The following TAFA4 variants were observed in gnomAD, a reference collection of about 807,000 sequenced individuals.
The protein encoded by TAFA4 is TAFA chemokine like family member 4.
TAFA4 carries 20 observed loss-of-function variants against 21.1 expected under a neutral mutation model. That is an observed-to-expected ratio of 0.95 (90% CI 0.67 to 1.38). The LOEUF (loss-of-function observed/expected upper bound fraction) is 1.38, where lower values mean the gene tolerates loss of function less well. Among genes scored for constraint, TAFA4 ranks in the 40% most tolerant of loss-of-function variants. TAFA4 has a pLI of 0.00. For synonymous variants in TAFA4, 71 were observed against 67.4 expected (o/e 1.05, Z -0.26); for missense variants, 211 against 180.9 (o/e 1.17, Z -0.95).
chr3:68,834,036 T>TCA (rs1205772024), intron 3 of TAFA4, among the ~76,000 whole-genome samples: 1 of 152,188 alleles, frequency 6.6e-6, no homozygotes, highest in African/African-American at 2.4e-5. Context: ...GAGTTGATGC[T>TCA]CACCCTGACT....
intron 1 of TAFA4, among the ~76,000 whole-genome samples, chr3:68,905,157 T>C (rs2089886940): frequency 7.0e-6 from 1 of 142,980 alleles, no homozygotes; most frequent in African/African-American, 2.7e-5. Context: ...TGCCTTTTTT[T>C]TTTTTTTTTT....
chr3:68,760,134 A>G (rs1702734079), intron 3 of TAFA4, among the ~76,000 whole-genome samples: 4 of 152,204 alleles, frequency 2.6e-5, no homozygotes. Flanking sequence ...CTCATTCACC[A>G]GAATAGTTGA....
At chr3:68,829,738 G>T (rs892217407) in intron 3 of TAFA4, among the ~76,000 whole-genome samples, 1 of 152,142 alleles carries the variant, frequency 6.6e-6, no homozygotes, top group Non-Finnish European at 1.5e-5. Context: ...TTTTTCTATT[G>T]ATTGAAATAG....
rs183612384 is a variant in TAFA4 at position 68,861,085 on chromosome 3, A to C, written c.130+19645T>G. On this transcript the variant is annotated intron_variant, in intron 3 of 5. Transcript: ENST00000295569. Reference sequence around the variant, plus strand: ...CCTTCCCATCTGTACATCCCAGGAAAATTCCTGAACAGTTTCCTAAAGGGA... The same window carrying C: ...CCTTCCCATCTGTACATCCCAGGAACATTCCTGAACAGTTTCCTAAAGGGA... 3.6e-5 allele frequency among the ~76,000 whole-genome samples: 5 copies of C among 138,444 alleles called. No homozygotes were observed. In the South Asian group the frequency reaches 7.5e-4, roughly 21 times the overall value. 90.8% of individuals were successfully genotyped at this position (138,444 alleles called of 152,430 possible).
intron 1 of TAFA4, among the ~76,000 whole-genome samples, chr3:68,909,952 T>C (rs981759526): frequency 8.5e-5 from 13 of 152,152 alleles, no homozygotes; most frequent in Non-Finnish European, 7.3e-5. Context: ...ACAGGGTTGT[T>C]GGCAGTATTC....
chr3:68,858,964 A>C (rs2089288272), intron 3 of TAFA4, among the ~76,000 whole-genome samples: 1 of 151,894 alleles, frequency 6.6e-6, no homozygotes, highest in Non-Finnish European at 1.5e-5. Flanking sequence ...TGACATAGAG[A>C]ATGAAAAATG....
intron 3 of TAFA4, among the ~76,000 whole-genome samples, chr3:68,814,001 G>A (rs1703902953): frequency 6.6e-6 from 1 of 152,302 alleles, no homozygotes; most frequent in Non-Finnish European, 1.5e-5. Flanking sequence ...GGGATGCAAG[G>A]CTGGTTCAAC....
intron 3 of TAFA4, among the ~76,000 whole-genome samples, chr3:68,759,689 G>C (rs931088826): frequency 6.6e-6 from 1 of 152,190 alleles, no homozygotes; most frequent in Non-Finnish European, 1.5e-5. Flanking sequence ...AGAAGTTGCA[G>C]ATGAAACTTC....
chr3:68,911,874 C>G (rs547098984), intron 1 of TAFA4, among the ~76,000 whole-genome samples: 3 of 152,282 alleles, frequency 2.0e-5, no homozygotes, highest in South Asian at 2.1e-4. Context: ...CCGACCCACA[C>G]GGAGGGCTCT....
intron 3 of TAFA4, among the ~76,000 whole-genome samples, chr3:68,809,567 T>C (rs576329469): frequency 1.6e-4 from 24 of 150,370 alleles, no homozygotes; most frequent in African/African-American, 4.7e-4. Flanking sequence ...TAGTTTGATG[T>C]AATCTCCTTT....
rs573546347 is a variant in TAFA4 at position 68,824,921 on chromosome 3, G to A, written c.130+55809C>T. Among the ~76,000 whole-genome samples the A allele has an allele frequency of 5.9e-5, 9 of 152,236 alleles. No homozygotes were observed. The East Asian group carries it at 1.4e-3, about 23-fold the overall frequency. Reference sequence around the variant, plus strand: ...CCTTTAATTTCTCAACTCGCTGTCCGATGCTTGCTTGGTCAACTCTCACTT... The same window carrying A: ...CCTTTAATTTCTCAACTCGCTGTCCAATGCTTGCTTGGTCAACTCTCACTT... On this transcript the variant is annotated intron_variant, in intron 3 of 5. Coordinates refer to ENST00000295569, the MANE Select transcript of TAFA4 (RefSeq NM_182522.5).
intron 3 of TAFA4, among the ~76,000 whole-genome samples, chr3:68,774,295 T>C (rs1295777100): frequency 2.6e-5 from 4 of 152,226 alleles, no homozygotes; most frequent in African/African-American, 4.8e-5. Context: ...AAGCATTAGA[T>C]AGATGGAAAT....
At chr3:68,820,562 C>G (rs548369431) in intron 3 of TAFA4, among the ~76,000 whole-genome samples, 1 of 151,992 alleles carries the variant, frequency 6.6e-6, no homozygotes, top group African/African-American at 2.4e-5. Context: ...GCCTATAATT[C>G]CATCTACTTG....
intron 3 of TAFA4, among the ~76,000 whole-genome samples, chr3:68,872,188 G>T (rs929938987): frequency 6.6e-6 from 1 of 151,342 alleles, no homozygotes; most frequent in East Asian, 2.0e-4. Flanking sequence ...AGCAAATGTG[G>T]TACATATATA....
At chr3:68,809,434 ATT>A (rs1361586524) in intron 3 of TAFA4, among the ~76,000 whole-genome samples, 1 of 151,850 alleles carries the variant, frequency 6.6e-6, no homozygotes, top group African/African-American at 2.4e-5. Context: ...TGCCAATATG[ATT>A]TGTTTGTGAT....
chr3:68,814,598 A>G (rs1339721189), intron 3 of TAFA4, among the ~76,000 whole-genome samples: 1 of 152,174 alleles, frequency 6.6e-6, no homozygotes, highest in Non-Finnish European at 1.5e-5. Flanking sequence ...TAGGAATCCA[A>G]CTTACAAGGA....
At chr3:68,753,204 AG>A (rs1282494305) in intron 3 of TAFA4, among the ~76,000 whole-genome samples, 186 bp from the exon 4 acceptor site, 2 of 152,180 alleles carry the variant, frequency 1.3e-5, no homozygotes, top group African/African-American at 4.8e-5. Flanking sequence ...GAGTGCAAAA[AG>A]CTTCTGTGAA....
chr3:68,741,023 C>G (rs958737533), intron 4 of TAFA4, among the ~76,000 whole-genome samples: 1 of 152,126 alleles, frequency 6.6e-6, no homozygotes, highest in Admixed American at 6.5e-5. Flanking sequence ...TATTTTTATG[C>G]CAGTGCCATA....
chr3:68,873,038 G>GT (rs1291914368), intron 3 of TAFA4, among the ~76,000 whole-genome samples: 1 of 151,860 alleles, frequency 6.6e-6, no homozygotes, highest in Non-Finnish European at 1.5e-5. Flanking sequence ...AATATCAGCC[G>GT]TATCATCTCA....
Sources: allele counts gnomAD v4.1 joint callset (sites outside exome capture counted in the v4.1 genomes callset), GRCh38; gene constraint gnomAD v4.1.1; transcripts MANE v1.5; gene names NCBI Gene and HGNC (gene_info 2026-07-23, HGNC 2026-07-21).